Variants in NEU1 observed in about 807,000 individuals in gnomAD.
The protein encoded by NEU1 is neuraminidase 1.
In NEU1, 32 loss-of-function variants were observed where a neutral mutation model predicts 38.3. That is an observed-to-expected ratio of 0.84 (90% CI 0.63 to 1.12). The LOEUF is 1.12. Among genes scored for constraint, NEU1 ranks in the 50% most tolerant of loss-of-function variants. NEU1 has a pLI of 0.00. For missense variants in NEU1, 431 were observed against 549.2 expected, an observed-to-expected ratio of 0.78 and a Z score of 2.15; for synonymous variants, 192 against 225.2, an observed-to-expected ratio of 0.85 and a Z score of 1.32.
In NEU1 at chr6:31,860,028, C is replaced by T. The variant is rs776747961; in HGVS notation, c.1021+14G>A. On this transcript the variant is annotated intron_variant, in intron 5 of 5. Transcript: ENST00000375631. The surrounding 1 kb of genome is among the most constrained non-coding windows in gnomAD (Gnocchi z 4.8). ...CAGGGCTCTCCCTGCTGACCCCACC[C>T]ATGAGGCACTCACGGAACTCTGGAT... 5 of 1,612,718 alleles carry T rather than the reference C, an allele frequency of 3.1e-6. No individual in the cohort carries two copies. The African/African-American group carries it at 4.0e-5, about 13-fold the overall frequency.
In NEU1 at chr6:31,861,999, C is replaced by A; in HGVS notation, c.352G>T (p.Gly118Cys). The change falls in exon 2 of 6, where the codon GGC becomes TGC. Residue 118 changes from glycine to cysteine, a missense_variant and splice_region_variant. By Grantham distance (159) the Gly-to-Cys change is radical. Coordinates refer to ENST00000375631, the MANE Select transcript of NEU1 (RefSeq NM_000434.4). ...FIALRRSMDQGSTWSPTAFIV... is the reference protein window; with the variant it reads ...FIALRRSMDQCSTWSPTAFIV... ...CTCTTTCACCCAGACATCTTTATACCCTGGTCCATGGACCTCCGCAGGGCG... is the reference window on the plus strand; with the variant it reads ...CTCTTTCACCCAGACATCTTTATACACTGGTCCATGGACCTCCGCAGGGCG... 1.9e-6 allele frequency: 3 copies of A among 1,613,062 alleles called. No homozygotes were observed. Among genetic ancestry groups the A allele is most frequent in the Non-Finnish European group, 2.5e-6 (3 of 1,180,022 alleles).
chr6:31,861,127 G>A (rs1762490101), intron 3 of NEU1, 61 bp downstream of exon 3: 1 of 1,606,190 alleles, frequency 6.2e-7, no homozygotes, highest in Non-Finnish European at 8.5e-7. Context: ...GAGTCCATTT[G>A]GGGGTATCCC....
chr6:31,862,296 G>A lies in NEU1; in HGVS notation c.160-105C>T. On this transcript the variant is annotated intron_variant, in intron 1 of 5. Transcript: ENST00000375631. This position sits in a 1 kb window ranked among gnomAD's most constrained non-coding sequence, Gnocchi z 6.3. The stretch of plus-strand genomic sequence containing the variant: ...AGGATCTAATGGGGATCCCGAGTAG[G>A]GGATGGGGTCCCAGAACAAGAAAGA... 1 of 1,245,266 alleles carries A rather than the reference G, an allele frequency of 8.0e-7. No individual in the cohort carries two copies. Among genetic ancestry groups the A allele is most frequent in the South Asian group, 1.3e-5 (1 of 79,260 alleles). 77.1% of individuals were successfully genotyped at this position (1,245,266 alleles called of 1,614,324 possible).
rs145784816 is a variant in NEU1, at chr6:31,860,589, G to A, written c.648C>T (p.Ile216=). ...GCTCCAGCGTCCCATGGCCACACAC[G>A]ATGAGGCGGCCCTTCCGTGGCTCCC... The part of the protein sequence containing the change: ...KQREPRKGRL[I]VCGHGTLERD... Residue 216 remains isoleucine (I), a synonymous_variant, in exon 4 of 6, where the codon ATC becomes ATT. Transcript: ENST00000375631. The surrounding 1 kb of genome is among the most constrained non-coding windows in gnomAD (Gnocchi z 4.8). 5 of 1,613,898 alleles carry A rather than the reference G, an allele frequency of 3.1e-6. No homozygotes were observed. Among genetic ancestry groups the A allele is most frequent in the African/African-American group, 1.3e-5 (1 of 74,902 alleles).
Position 31,857,822 on chromosome 6 carries a change from T to C in NEU1, c.*1897A>G, listed in dbSNP as rs965383473. On this transcript the variant is annotated 3_prime_UTR_variant, in exon 6 of 6. Coordinates refer to ENST00000375631, the MANE Select transcript of NEU1 (RefSeq NM_000434.4). ...GCATTTCACACACTTGCACCCTATT[T>C]CATGGAGGATGGTATCCTACCCCAT... 2.0e-5 allele frequency: 3 copies of C among 152,130 alleles called. No homozygotes were observed. Among genetic ancestry groups the C allele is most frequent in the African/African-American group, 7.2e-5 (3 of 41,442 alleles). 9.4% of individuals were successfully genotyped at this position (152,130 alleles called of 1,614,324 possible). A position where few individuals can be genotyped will look rare whatever the true frequency, so the allele number is the denominator to read the frequency against.
At position 31,859,814 on chromosome 6, in the gene NEU1, G is replaced by A; in HGVS notation, c.1153C>T (p.Gln385Ter). ...TLEGSMDGEE[Q>*]APQLYVLYEK... is the part of the protein sequence containing the mutation. ...TACAGGACGTAGAGCTGGGGGGCCT[G>A]CTCCTCTCCATCCATGCTGCCCTCC... The change falls in exon 6 of 6, where the codon CAG becomes TAG. Residue 385 changes from glutamine (Q) to a stop codon, truncating the protein, a stop_gained. Coordinates refer to ENST00000375631, the MANE Select transcript of NEU1 (RefSeq NM_000434.4). LOFTEE classifies it high-confidence loss of function. The A allele has an allele frequency of 6.2e-7, 1 of 1,613,086 alleles. No homozygotes were observed. Among genetic ancestry groups the A allele is most frequent in the Non-Finnish European group, 8.5e-7 (1 of 1,180,028 alleles).
In NEU1 at chr6:31,862,499, C is replaced by T; in HGVS notation, c.159+119G>A. On this transcript the variant is annotated intron_variant, in intron 1 of 5. Coordinates refer to ENST00000375631, the MANE Select transcript of NEU1 (RefSeq NM_000434.4). The surrounding 1 kb of genome is among the most constrained non-coding windows in gnomAD (Gnocchi z 6.3). ...TGGGAGCGGTAGGAGGAAACGGGGT[C>T]TGGGAGAAAGAAAAGGGTCCTGTCG... is the stretch of plus-strand genomic sequence containing the variant. 7.0e-7 allele frequency: 1 copy of T among 1,426,774 alleles called. No individual in the cohort carries two copies. Among genetic ancestry groups the T allele is most frequent in the Non-Finnish European group, 9.8e-7 (1 of 1,020,978 alleles). 88.4% of individuals were successfully genotyped at this position (1,426,774 alleles called of 1,614,324 possible). A position where few individuals can be genotyped will look rare whatever the true frequency, so the allele number is the denominator to read the frequency against.
In NEU1 at chr6:31,862,337, G is replaced by T; in HGVS notation, c.160-146C>A. 9.8e-7 allele frequency: 1 copy of T among 1,021,614 alleles called. No homozygotes were observed. Among genetic ancestry groups the T allele is most frequent in the Non-Finnish European group, 1.5e-6 (1 of 676,558 alleles). The allele number at this position is 1,021,614 out of a possible 1,614,324, so 63.3% of individuals were successfully genotyped here. Reference sequence around the variant, plus strand: ...ACAAGAAAGAGGAACACGAAGGGGAGTTTGGAGCGAAGCTGGAGGCTCGGA... The same window carrying T: ...ACAAGAAAGAGGAACACGAAGGGGATTTTGGAGCGAAGCTGGAGGCTCGGA... On this transcript the variant is annotated intron_variant, in intron 1 of 5. Transcript: ENST00000375631. This position sits in a 1 kb window ranked among gnomAD's most constrained non-coding sequence, Gnocchi z 6.3.
Position 31,857,782 on chromosome 6 carries a change from A to G in NEU1, c.*1937T>C, listed in dbSNP as rs1562428134. 1 of 152,166 alleles carries G rather than the reference A, an allele frequency of 6.6e-6. No homozygotes were observed. Among genetic ancestry groups the G allele is most frequent in the Non-Finnish European group, 1.5e-5 (1 of 68,040 alleles). 9.4% of individuals were successfully genotyped at this position (152,166 alleles called of 1,614,324 possible). A position where few individuals can be genotyped will look rare whatever the true frequency, so the allele number is the denominator to read the frequency against. ...TCACTTCTCTGTCAGGCTAGCTGGG[A>G]CAGGATTCCCATCTGCATTTCACAC... On this transcript the variant is annotated 3_prime_UTR_variant, in exon 6 of 6. Coordinates refer to ENST00000375631, the MANE Select transcript of NEU1 (RefSeq NM_000434.4).
At position 31,860,094 on chromosome 6, in the gene NEU1, T is replaced by C; in HGVS notation, c.969A>G (p.Val323=). 3 of 1,613,004 alleles carry C rather than the reference T, an allele frequency of 1.9e-6. No homozygotes were observed. The highest frequency in any genetic ancestry group is 2.5e-6 in the Non-Finnish European group (3 of 1,180,008). Residue 323 remains valine (V), a synonymous_variant, in exon 5 of 6, where the codon GTA becomes GTG. Coordinates refer to ENST00000375631, the MANE Select transcript of NEU1 (RefSeq NM_000434.4). The surrounding 1 kb of genome is among the most constrained non-coding windows in gnomAD (Gnocchi z 4.8). ...AGAAGACAATGCCGGAGCTGGTGACTACAGCTCCTGCAGCTACCACAGGGT... is the reference window on the plus strand; with the variant it reads ...AGAAGACAATGCCGGAGCTGGTGACCACAGCTCCTGCAGCTACCACAGGGT... ...LVDPVVAAGA[V]VTSSGIVFFS... is the part of the protein sequence containing the mutation.
chr6:31,859,546 C>A lies in NEU1; in HGVS notation c.*173G>T, dbSNP rs979086828. On this transcript the variant is annotated 3_prime_UTR_variant, in exon 6 of 6. Coordinates refer to ENST00000375631, the MANE Select transcript of NEU1 (RefSeq NM_000434.4). ...CTTTTTTGTGGGAGAGGACGCCTAG[C>A]TTTCAGTCCTAAAGGAAGTGATTTC... The A allele has an allele frequency of 1.4e-6, 1 of 720,210 alleles. No homozygotes were observed. Among genetic ancestry groups the A allele is most frequent in the Non-Finnish European group, 2.5e-6 (1 of 407,546 alleles). 44.6% of individuals were successfully genotyped at this position (720,210 alleles called of 1,614,324 possible).
At position 31,860,830 on chromosome 6, in the gene NEU1, AGG is replaced by A; in HGVS notation, c.616-211_616-210del. On this transcript the variant is annotated intron_variant, in intron 3 of 5. Transcript: ENST00000375631. This position sits in a 1 kb window ranked among gnomAD's most constrained non-coding sequence, Gnocchi z 4.8. ...GGGTGTACAGCTGGACATGTGCACC[AGG>A]GGCCCAGCCACAGGGTGCATGAGAG... is the stretch of plus-strand genomic sequence containing the variant. 1.5e-6 allele frequency: 1 copy of A among 656,992 alleles called. No homozygotes were observed. The highest frequency in any genetic ancestry group is 2.7e-6 in the Non-Finnish European group (1 of 376,148). The allele number at this position is 656,992 out of a possible 1,614,324, so 40.7% of individuals were successfully genotyped here. A position where few individuals can be genotyped will look rare whatever the true frequency, so the allele number is the denominator to read the frequency against.
chr6:31,860,041 C>T lies in NEU1; in HGVS notation c.1021+1G>A, dbSNP rs1486980139. The T allele has an allele frequency of 5.0e-6, 8 of 1,612,778 alleles. No homozygotes were observed. Among genetic ancestry groups the T allele is most frequent in the African/African-American group, 1.3e-5 (1 of 74,888 alleles). ...GCTGACCCCACCCATGAGGCACTCA[C>T]GGAACTCTGGATGTGCTGGGTTGGA... On this transcript the variant is annotated splice_donor_variant, in intron 5 of 5. Transcript: ENST00000375631. LOFTEE classifies it high-confidence loss of function. The surrounding 1 kb of genome is among the most constrained non-coding windows in gnomAD (Gnocchi z 4.8).
rs751209572 is a variant in NEU1, at chr6:31,862,149, C to T, written c.202G>A (p.Gly68Arg). ...VTMEQLLWVSGRQIGSVDTFR... is the reference protein window; with the variant it reads ...VTMEQLLWVSRRQIGSVDTFR... ...GTGTCCACTGAGCCGATCTGTCTCC[C>T]GCTCACCCACAGCAGTTGCTCCATG... Residue 68 changes from glycine (G) to arginine (R), a missense_variant, in exon 2 of 6, where the codon GGG (glycine) becomes AGG (arginine). Gly to Arg is a moderately radical substitution (Grantham distance 125). Coordinates refer to ENST00000375631, the MANE Select transcript of NEU1 (RefSeq NM_000434.4). This position sits in a 1 kb window ranked among gnomAD's most constrained non-coding sequence, Gnocchi z 6.3. The T allele has an allele frequency of 2.5e-6, 4 of 1,613,040 alleles. No individual in the cohort carries two copies. Among genetic ancestry groups the T allele is most frequent in the Non-Finnish European group, 2.5e-6 (3 of 1,180,024 alleles).
In NEU1 at chr6:31,862,064, G is replaced by A. The variant is rs1399148271; in HGVS notation, c.287C>T (p.Ala96Val). Residue 96 changes from alanine to valine, a missense_variant, in exon 2 of 6, where the codon GCG (alanine) becomes GTG (valine). Transcript: ENST00000375631. This position sits in a 1 kb window ranked among gnomAD's most constrained non-coding sequence, Gnocchi z 6.3. ...CTCATCGGATGAGGACATTTTCCTC[G>A]CCTCAGCAAAGGCGAGAAGAGTGCC... ...PRGTLLAFAE[A>V]RKMSSSDEGA... 1 of 1,613,090 alleles carries A rather than the reference G, an allele frequency of 6.2e-7. No individual in the cohort carries two copies. Among genetic ancestry groups the A allele is most frequent in the Non-Finnish European group, 8.5e-7 (1 of 1,180,040 alleles).
Position 31,861,322 on chromosome 6 carries a change from T to C in NEU1, c.481A>G (p.Lys161Glu), listed in dbSNP as rs1762500382. Residue 161 changes from lysine to glutamate, a missense_variant, in exon 3 of 6, where the codon AAG (lysine) becomes GAG (glutamate). Physicochemically the swap from Lys to Glu is moderately conservative, Grantham distance 56 (BLOSUM62 1). Coordinates refer to ENST00000375631, the MANE Select transcript of NEU1 (RefSeq NM_000434.4). ...VFLFYSLCAH[K>E]AGCQVASTML... The stretch of plus-strand genomic sequence containing the variant: ...GTAGAGGCCACCTGGCAGCCGGCCT[T>C]GTGAGCACAAAGGGAGTAGAAAAGA... The C allele has an allele frequency of 6.2e-7, 1 of 1,612,928 alleles. No homozygotes were observed. Among genetic ancestry groups the C allele is most frequent in the Admixed American group, 1.7e-5 (1 of 60,014 alleles).
In NEU1 at chr6:31,862,646, C is replaced by G. The variant is rs1762572375; in HGVS notation, c.131G>C (p.Trp44Ser). 1 of 1,612,962 alleles carries G rather than the reference C, an allele frequency of 6.2e-7. No individual in the cohort carries two copies. The highest frequency in any genetic ancestry group is 8.5e-7 in the Non-Finnish European group (1 of 1,180,030). The stretch of plus-strand genomic sequence containing the variant: ...ACCGAAGTCGTTCTCAGCCTTGGAC[C>G]AGGAGGCTGCCAGAGACAGCAGCAG... ...IFLLLSLAAS[W>S]SKAENDFGLV... The change falls in exon 1 of 6, where the codon TGG becomes TCG. Residue 44 changes from tryptophan to serine, a missense_variant. Coordinates refer to ENST00000375631, the MANE Select transcript of NEU1 (RefSeq NM_000434.4). This position sits in a 1 kb window ranked among gnomAD's most constrained non-coding sequence, Gnocchi z 6.3.
rs144539240 is a variant in NEU1 at position 31,859,638 on chromosome 6, G to A, written c.*81C>T. The A allele has an allele frequency of 3.7e-5, 51 of 1,380,006 alleles. No individual in the cohort carries two copies. Among genetic ancestry groups the A allele is most frequent in the East Asian group, 9.1e-5 (4 of 43,716 alleles). The allele number at this position is 1,380,006 out of a possible 1,614,324, so 85.5% of individuals were successfully genotyped here. A position where few individuals can be genotyped will look rare whatever the true frequency, so the allele number is the denominator to read the frequency against. On this transcript the variant is annotated 3_prime_UTR_variant, in exon 6 of 6. Coordinates refer to ENST00000375631, the MANE Select transcript of NEU1 (RefSeq NM_000434.4). ...AGGAAGATGGAACTGTCTTTCAGGCGTCTCCAGCAGACCCTCTACAGACCC... is the reference window on the plus strand; with the variant it reads ...AGGAAGATGGAACTGTCTTTCAGGCATCTCCAGCAGACCCTCTACAGACCC...
rs756914049 is a variant in NEU1, at chr6:31,862,156, C to T, written c.195G>A (p.Trp65Ter). ...CTGAGCCGATCTGTCTCCCGCTCACCCACAGCAGTTGCTCCATGGTCACCA... is the reference window on the plus strand; with the variant it reads ...CTGAGCCGATCTGTCTCCCGCTCACTCACAGCAGTTGCTCCATGGTCACCA... ...QPLVTMEQLL[W>*]VSGRQIGSVD... The change falls in exon 2 of 6, where the codon TGG (tryptophan) becomes TGA (stop). Residue 65 changes from tryptophan (W) to a stop codon, truncating the protein, a stop_gained. Coordinates refer to ENST00000375631, the MANE Select transcript of NEU1 (RefSeq NM_000434.4). LOFTEE classifies it high-confidence loss of function. This position sits in a 1 kb window ranked among gnomAD's most constrained non-coding sequence, Gnocchi z 6.3. The T allele has an allele frequency of 6.2e-7, 1 of 1,613,032 alleles. No individual in the cohort carries two copies. Among genetic ancestry groups the T allele is most frequent in the Admixed American group, 1.7e-5 (1 of 60,026 alleles).
Sources: allele counts gnomAD v4.1 joint callset, GRCh38; gene constraint gnomAD v4.1.1; non-coding constraint Gnocchi (gnomAD v3.1); transcripts MANE v1.5; gene names NCBI Gene and HGNC (gene_info 2026-07-23, HGNC 2026-07-21).